Variants in RANBP2 observed in about 807,000 individuals in gnomAD.
The protein encoded by RANBP2 is RAN binding protein 2.
Under a neutral mutation model 303.6 loss-of-function variants are expected in RANBP2, and 57 were observed. The observed-to-expected ratio is 0.19, with a 90% CI of 0.15 to 0.23. The LOEUF is 0.23. RANBP2 is among the 10% of genes least tolerant of loss of function. RANBP2 has a pLI of 1.00. For missense variants in RANBP2, 3,138 were observed against 3,780.8 expected, an observed-to-expected ratio of 0.83 and a Z score of 4.46; for synonymous variants, 1,167 against 1,301.5, an observed-to-expected ratio of 0.90 and a Z score of 2.23.
chr2:108,811,528 C>T, the RANBP2 span, among the ~76,000 whole-genome samples: 2 of 152,064 alleles, frequency 1.3e-5, no homozygotes, highest in Non-Finnish European at 2.9e-5. Flanking sequence ...CAGGTGTGAG[C>T]TACTGCACTC....
the RANBP2 span, among the ~76,000 whole-genome samples, chr2:109,507,249 C>A: frequency 6.6e-6 from 1 of 152,206 alleles, no homozygotes; most frequent in Non-Finnish European, 1.5e-5. Flanking sequence ...CCCCCCTTCC[C>A]GAGCCGGCCC....
the RANBP2 span, among the ~76,000 whole-genome samples, chr2:109,483,914 C>A: frequency 6.6e-6 from 1 of 152,124 alleles, no homozygotes; most frequent in African/African-American, 2.4e-5. Flanking sequence ...CCACATCCTG[C>A]TGACTGCATG....
the RANBP2 span, among the ~76,000 whole-genome samples, chr2:109,420,883 G>A: frequency 1.3e-5 from 2 of 152,212 alleles, no homozygotes; most frequent in Non-Finnish European, 2.9e-5. Context: ...CTTAAGTGGT[G>A]GGCAGGAAAG....
At chr2:109,676,100 G>A in the RANBP2 span, among the ~76,000 whole-genome samples, 1 of 152,204 alleles carries the variant, frequency 6.6e-6, no homozygotes, top group Admixed American at 6.5e-5. Flanking sequence ...TGTGTGAAGC[G>A]CTCATGAGAA....
the RANBP2 span, among the ~76,000 whole-genome samples, chr2:108,870,735 A>G: frequency 6.6e-6 from 1 of 152,238 alleles, no homozygotes; most frequent in South Asian, 2.1e-4. Flanking sequence ...ACAAAAGGAT[A>G]TATCTTCTAT....
At chr2:109,011,582 A>G in the RANBP2 span, among the ~76,000 whole-genome samples, 4 of 152,198 alleles carry the variant, frequency 2.6e-5, no homozygotes, top group Non-Finnish European at 4.4e-5. Flanking sequence ...AATTTTATTG[A>G]CGAGATACCC....
chr2:109,624,635 G>A, the RANBP2 span, among the ~76,000 whole-genome samples: 1 of 152,194 alleles, frequency 6.6e-6, no homozygotes, highest in Non-Finnish European at 1.5e-5. Flanking sequence ...ACACAGAAAG[G>A]GAGTCATTAG....
the RANBP2 span, among the ~76,000 whole-genome samples, chr2:108,921,576 G>A: frequency 1.3e-5 from 2 of 152,206 alleles, no homozygotes; most frequent in Non-Finnish European, 2.9e-5. Flanking sequence ...GCCCAGAGTG[G>A]GGCTGCTGAT....
At chr2:109,460,349 A>G in the RANBP2 span, among the ~76,000 whole-genome samples, 1 of 152,292 alleles carries the variant, frequency 6.6e-6, no homozygotes, top group Non-Finnish European at 1.5e-5. Context: ...CCCCAGGTGG[A>G]TGCTGACCAT....
the RANBP2 span, among the ~76,000 whole-genome samples, chr2:109,646,982 G>C: frequency 1.3e-5 from 2 of 151,920 alleles, no homozygotes; most frequent in Non-Finnish European, 2.9e-5. Flanking sequence ...CTACCTCAAT[G>C]TTCTATGGAA....
At chr2:109,669,353 C>T in the RANBP2 span, among the ~76,000 whole-genome samples, 3 of 152,128 alleles carry the variant, frequency 2.0e-5, no homozygotes, top group Non-Finnish European at 4.4e-5. Context: ...AAAAAGCTTT[C>T]AGCACAGCAA....
chr2:109,686,546 C>A, the RANBP2 span, among the ~76,000 whole-genome samples: 2 of 152,158 alleles, frequency 1.3e-5, no homozygotes, highest in Non-Finnish European at 2.9e-5. Context: ...AACTCCTGAC[C>A]TCGTGATTTG....
rs1677833429 is a variant in RANBP2, at chr2:108,775,738, C to G, written c.8299C>G (p.Gln2767Glu). 1.2e-6 allele frequency: 2 copies of G among 1,613,592 alleles called. No individual in the cohort carries two copies. The highest frequency in any genetic ancestry group is 2.2e-5 in the East Asian group (1 of 44,792). Residue 2767 changes from glutamine to glutamate, a missense_variant, in exon 24 of 29, where the codon CAG becomes GAG. By Grantham distance (29) the Gln-to-Glu change is conservative. Coordinates refer to ENST00000283195, the MANE Select transcript of RANBP2 (RefSeq NM_006267.5). ...TGTGACTTCCTCTTTGCAGAAATCT[C>G]AGACAGAAGAAATAACTAGCACAAC... ...LQKVQEAQKS[Q>E]TEEITSTTDS...
chr2:109,617,390 TTAAG>T, the RANBP2 span: 1 of 167,222 alleles, frequency 6.0e-6, no homozygotes. Context: ...AAGTACTCGT[TTAAG>T]TATGGTTCTT....
the RANBP2 span, among the ~76,000 whole-genome samples, chr2:109,625,498 C>CAAA: frequency 1.7e-4 from 23 of 133,582 alleles, no homozygotes; most frequent in East Asian, 1.7e-3. Flanking sequence ...ACTAAAAATA[C>CAAA]AAAAAAAAAA....
the RANBP2 span, among the ~76,000 whole-genome samples, chr2:109,568,635 TA>T: frequency 6.6e-6 from 1 of 150,962 alleles, no homozygotes; most frequent in African/African-American, 2.4e-5. Context: ...ATCATACACT[TA>T]AAAAGTAAAA....
At chr2:109,682,450 G>C in the RANBP2 span, among the ~76,000 whole-genome samples, 17,838 of 152,250 alleles carry the variant, frequency 0.12, 1,163 homozygotes, top group Middle Eastern at 0.18. Context: ...TGCTCCAGCT[G>C]TCTGTGAGTG....
the RANBP2 span, among the ~76,000 whole-genome samples, chr2:108,893,906 GT>G: frequency 6.6e-6 from 1 of 152,210 alleles, no homozygotes; most frequent in East Asian, 1.9e-4. Context: ...AACACGCATA[GT>G]TTACTATGGC....
At chr2:109,138,084 C>T in the RANBP2 span, among the ~76,000 whole-genome samples, 1 of 152,330 alleles carries the variant, frequency 6.6e-6, no homozygotes, top group South Asian at 2.1e-4. Flanking sequence ...GGCACGATCT[C>T]GACTCACTGC....
Sources: gnomAD v4.1 joint callset for allele counts (sites outside exome capture counted in the v4.1 genomes callset) on GRCh38, gnomAD v4.1.1 for gene constraint, MANE v1.5 for transcripts, NCBI Gene and HGNC (gene_info 2026-07-23, HGNC 2026-07-21) for gene names.